GRHL1: variants seen among roughly 807,000 people sequenced by gnomAD.
GRHL1 encodes the protein grainyhead-like protein 1 homolog.
In GRHL1, 38 loss-of-function variants were observed where a neutral mutation model predicts 75.7. The observed-to-expected ratio is 0.50, with a 90% confidence interval of 0.39 to 0.66. The LOEUF (loss-of-function observed/expected upper bound fraction) is 0.66. GRHL1 is among the 30% of genes least tolerant of loss of function. The pLI is 0.00. For synonymous variants in GRHL1, 266 were observed against 279.4 expected (o/e 0.95, Z 0.48); for missense variants, 589 against 767.5 (o/e 0.77, Z 2.75).
At chr2:9,958,487 G>A (rs1006689720) in intron 2 of GRHL1, among the ~76,000 whole-genome samples, 8 of 142,424 alleles carry the variant, frequency 5.6e-5, no homozygotes, top group Non-Finnish European at 1.2e-4. Context: ...GGCCAGCGGA[G>A]GTATTTTTTT....
At chr2:9,963,186 G>C (rs1667346129) in intron 5 of GRHL1, among the ~76,000 whole-genome samples, 1 of 152,140 alleles carries the variant, frequency 6.6e-6, no homozygotes, top group Admixed American at 6.5e-5. Flanking sequence ...TTAGGATAGG[G>C]GTCAGCTAAC....
intron 1 of GRHL1, chr2:9,952,984 G>T (rs1666856350): frequency 6.6e-6 from 3 of 456,548 alleles, no homozygotes; most frequent in Non-Finnish European, 1.3e-5. Context: ...AGGCTCACCT[G>T]AAAGTGATGA....
Position 9,964,287 on chromosome 2 carries a change from G to C in GRHL1, c.956G>C (p.Arg319Thr), listed in dbSNP as rs770452117. ...GACAAAAGCAGAGAAGATCAGTTAA[G>C]GCATTGGAAGTACTGGCACTCCCGG... ...AEDKSREDQL[R>T]HWKYWHSRQH... Residue 319 changes from arginine (R) to threonine (T), a missense_variant, in exon 7 of 16, where the codon AGG becomes ACG. Around this residue, in one of 5 missense-constraint regions of GRHL1, gnomAD observed 362 missense variants for 461.8 expected, o/e 0.78. Coordinates refer to ENST00000324907, the MANE Select transcript of GRHL1 (RefSeq NM_198182.3). The C allele has an allele frequency of 6.2e-7, 1 of 1,613,238 alleles. No homozygotes were observed. Among genetic ancestry groups the C allele is most frequent in the Non-Finnish European group, 8.5e-7 (1 of 1,179,146 alleles).
chr2:9,960,686 A>G (rs1667233666), intron 3 of GRHL1: 1 of 188,222 alleles, frequency 5.3e-6, no homozygotes, highest in South Asian at 1.4e-4. Context: ...CAGAACTTGA[A>G]CCCAGGCAAT....
chr2:9,958,251 C>A (rs1055245145), intron 2 of GRHL1, among the ~76,000 whole-genome samples: 25 of 150,622 alleles, frequency 1.7e-4, no homozygotes, highest in African/African-American at 5.9e-4. Context: ...AATCTCTGCT[C>A]ACTGTAACCT....
At position 10,000,801 on chromosome 2, in the gene GRHL1, C is replaced by A; in HGVS notation, c.*94C>A. ...CAGGTAACCCCAGTCAGCCATGTCGCCAGCACAGGTCTATGTCGAGGGAAT... is the reference window on the plus strand; with the variant it reads ...CAGGTAACCCCAGTCAGCCATGTCGACAGCACAGGTCTATGTCGAGGGAAT... On this transcript the variant is annotated 3_prime_UTR_variant, in exon 16 of 16. Coordinates refer to ENST00000324907, the MANE Select transcript of GRHL1 (RefSeq NM_198182.3). 1.4e-6 allele frequency: 1 copy of A among 709,532 alleles called. No homozygotes were observed. The highest frequency in any genetic ancestry group is 1.7e-5 in the South Asian group (1 of 58,022). The allele number at this position is 709,532 out of a possible 1,614,324, so 44.0% of individuals were successfully genotyped here. A position where few individuals can be genotyped will look rare whatever the true frequency, so the allele number is the denominator to read the frequency against.
intron 1 of GRHL1, among the ~76,000 whole-genome samples, chr2:9,952,748 C>G (rs1666847445): frequency 6.6e-6 from 1 of 152,170 alleles, no homozygotes; most frequent in Non-Finnish European, 1.5e-5. Flanking sequence ...CGCACCAGGC[C>G]AGTCAGTATA....
chr2:9,956,243 C>T (rs1001888960), intron 2 of GRHL1, among the ~76,000 whole-genome samples: 5 of 152,186 alleles, frequency 3.3e-5, no homozygotes, highest in African/African-American at 1.2e-4. Context: ...TGTATTCTTT[C>T]CTTAATACAA....
chr2:9,966,179 C>T (rs932937452), intron 8 of GRHL1: 2 of 152,258 alleles, frequency 1.3e-5, no homozygotes, highest in Admixed American at 1.3e-4. Context: ...GGGTGGGTCA[C>T]TTGAGGCCAG....
At chr2:9,955,829 A>G (rs1666997051) in intron 2 of GRHL1, among the ~76,000 whole-genome samples, 1 of 152,222 alleles carries the variant, frequency 6.6e-6, no homozygotes, top group South Asian at 2.1e-4. Flanking sequence ...CAGCGTGCAT[A>G]CCGCTCTCCT....
In GRHL1 at chr2:9,955,077, GGGCC is replaced by G; in HGVS notation, c.184_187del (p.Gly62CysfsTer37). ...GAGATGAAGACAGCGCCGCTGCGCT[GGGCC>G]TGCTCTATGACTACTACAAGGTGGG... On this transcript the variant is annotated frameshift_variant, in exon 2 of 16. Transcript: ENST00000324907. LOFTEE classifies it high-confidence loss of function. 2 of 1,613,358 alleles carry G rather than the reference GGGCC, an allele frequency of 1.2e-6. No individual in the cohort carries two copies. Among genetic ancestry groups the G allele is most frequent in the Non-Finnish European group, 1.7e-6 (2 of 1,179,418 alleles).
At position 9,998,423 on chromosome 2, in the gene GRHL1, C is replaced by CGTGTGTGTGTGTGTGTGTGT. The variant is rs1553306759; in HGVS notation, c.1678-542_1678-541insGTGTGTGTGTGTGTGTGTGT. 1.5e-4 allele frequency among the ~76,000 whole-genome samples: 5 copies of CGTGTGTGTGTGTGTGTGTGT among 33,844 alleles called. 1 individual carries two copies. The highest frequency in any genetic ancestry group is 4.1e-4 in the Admixed American group (1 of 2,462). The allele number at this position is 33,844 out of a possible 152,430, so 22.2% of individuals were successfully genotyped here. On this transcript the variant is annotated intron_variant, in intron 14 of 15. Coordinates refer to ENST00000324907, the MANE Select transcript of GRHL1 (RefSeq NM_198182.3). ...AAAAACAAAAAGTCGAGTGACTATG[C>CGTGTGTGTGTGTGTGTGTGT]ATGTGTGTGTGTGTGTGTGTGTGTG...
rs369304105 is a variant in GRHL1, at chr2:9,951,819, C to T, written c.-15C>T. The T allele has an allele frequency of 1.0e-3, 1,603 of 1,527,886 alleles. 18 individuals are homozygous for T. In the African/African-American group the frequency reaches 0.02, roughly 20 times the overall value. 94.6% of individuals were successfully genotyped at this position (1,527,886 alleles called of 1,614,324 possible). A position where few individuals can be genotyped will look rare whatever the true frequency, so the allele number is the denominator to read the frequency against. On this transcript the variant is annotated 5_prime_UTR_variant, in exon 1 of 16. Transcript: ENST00000324907. This position sits in a 1 kb window ranked among gnomAD's most constrained non-coding sequence, Gnocchi z 4.2. ...AAAGTCCAGTTCTGCGGCCCGGCAG[C>T]GGCGAGCGGGCGCGATGACACAGGA...
At chr2:9,986,745 C>T (rs1668434498) in intron 9 of GRHL1, among the ~76,000 whole-genome samples, 1 of 152,254 alleles carries the variant, frequency 6.6e-6, no homozygotes, top group East Asian at 1.9e-4. Flanking sequence ...CTCACTCTGT[C>T]ATCCAGGCTG....
chr2:9,992,492 A>T lies in GRHL1; in HGVS notation c.1461+346A>T, dbSNP rs1366323816. On this transcript the variant is annotated intron_variant, in intron 11 of 15. Coordinates refer to ENST00000324907, the MANE Select transcript of GRHL1 (RefSeq NM_198182.3). This position sits in a 1 kb window ranked among gnomAD's most constrained non-coding sequence, Gnocchi z 4.6. ...ATCTTTTTAAACTTAACTTGGGGCAATACCTAGGTTAAGGAGCTCTTATAA... is the reference window on the plus strand; with the variant it reads ...ATCTTTTTAAACTTAACTTGGGGCATTACCTAGGTTAAGGAGCTCTTATAA... Among the ~76,000 whole-genome samples the T allele has an allele frequency of 1.3e-5, 2 of 151,950 alleles. No individual in the cohort carries two copies. The highest frequency in any genetic ancestry group is 2.9e-5 in the Non-Finnish European group (2 of 68,032).
At chr2:9,981,562 T>C (rs1668198561) in intron 8 of GRHL1, among the ~76,000 whole-genome samples, 1 of 152,250 alleles carries the variant, frequency 6.6e-6, no homozygotes, top group African/African-American at 2.4e-5. Context: ...CACACTCATA[T>C]CCGTGGCTGC....
rs576803739 is a variant in GRHL1 at position 9,952,195 on chromosome 2, G to T, written c.20+342G>T. On this transcript the variant is annotated intron_variant, in intron 1 of 15. Coordinates refer to ENST00000324907, the MANE Select transcript of GRHL1 (RefSeq NM_198182.3). ...GTCGGGTGCGGCGCGAGGTCGGGGC[G>T]CAGCCAACGCCCCCGGGCCTCCCCG... Among the ~76,000 whole-genome samples the T allele has an allele frequency of 7.2e-5, 11 of 152,076 alleles. No individual in the cohort carries two copies. The South Asian group carries it at 1.2e-3, about 17-fold the overall frequency.
In GRHL1 at chr2:9,987,502, A is replaced by C. The variant is rs959628759; in HGVS notation, c.1269+1220A>C. On this transcript the variant is annotated intron_variant, in intron 9 of 15. Coordinates refer to ENST00000324907, the MANE Select transcript of GRHL1 (RefSeq NM_198182.3). The surrounding 1 kb of genome is among the most constrained non-coding windows in gnomAD (Gnocchi z 4.2). ...AGCTGTGTCCGAGTGGCTGAATCAC[A>C]AAGTGCTGTGCCTTCACAGCCCTCT... Among the ~76,000 whole-genome samples the C allele has an allele frequency of 6.6e-6, 1 of 152,168 alleles. No individual in the cohort carries two copies. Among genetic ancestry groups the C allele is most frequent in the Admixed American group, 6.5e-5 (1 of 15,280 alleles).
chr2:9,965,331 A>G lies in GRHL1; in HGVS notation c.1060A>G (p.Ile354Val), dbSNP rs1667445919. The stretch of plus-strand genomic sequence containing the variant: ...CAACACTATCAGTAACATCGAGGAG[A>G]TTGCGTATAACGCCATTTCCTTCAC... ...SFNTISNIEE[I>V]AYNAISFTWD... Residue 354 changes from isoleucine to valine, a missense_variant, in exon 8 of 16, where the codon ATT becomes GTT. This residue lies in a region of GRHL1 where 362 missense variants were observed against 461.8 expected (regional missense o/e 0.78). Coordinates refer to ENST00000324907, the MANE Select transcript of GRHL1 (RefSeq NM_198182.3). 1 of 1,612,490 alleles carries G rather than the reference A, an allele frequency of 6.2e-7. No individual in the cohort carries two copies. The highest frequency in any genetic ancestry group is 1.3e-5 in the African/African-American group (1 of 74,896).
Sources: gnomAD v4.1 joint callset for allele counts (sites outside exome capture counted in the v4.1 genomes callset) on GRCh38, gnomAD v4.1.1 for gene constraint, gnomAD v4.1.1 regional missense constraint, Gnocchi (gnomAD v3.1) non-coding constraint, MANE v1.5 for transcripts, NCBI Gene and HGNC (gene_info 2026-07-23, HGNC 2026-07-21) for gene names.